The following UPP2 variants were observed in gnomAD, a reference collection of about 807,000 sequenced individuals.
UPP2 encodes the protein UPase 2.
A neutral mutation model predicts 26.7 loss-of-function variants in UPP2; 23 were observed. The ratio of observed to expected loss-of-function variants is 0.86; its 90% CI spans 0.62 to 1.22. UPP2 has a LOEUF of 1.22. Ranked by LOEUF, UPP2 falls within the 50% of genes most tolerant of loss-of-function variation. UPP2 has a pLI of 0.00. For synonymous variants in UPP2, 127 were observed against 141.3 expected (o/e 0.90, Z 0.72); for missense variants, 387 against 396.7 (o/e 0.98, Z 0.21).
chr2:158,110,355 T>C (rs993528650), intron 2 of UPP2, among the ~76,000 whole-genome samples: 2 of 152,188 alleles, frequency 1.3e-5, no homozygotes, highest in Non-Finnish European at 2.9e-5. Flanking sequence ...TATGGCTGCA[T>C]AGTATTCCAT....
At chr2:158,094,602 T>C (rs1216123398) in intron 3 of UPP2, among the ~76,000 whole-genome samples, 1 of 152,190 alleles carries the variant, frequency 6.6e-6, no homozygotes, top group Non-Finnish European at 1.5e-5. Context: ...ATATTGCACT[T>C]AGTAATGTTA....
chr2:158,004,731 G>T (rs1278124254), intron 2 of UPP2, among the ~76,000 whole-genome samples: 1 of 152,118 alleles, frequency 6.6e-6, no homozygotes, highest in Admixed American at 6.5e-5. Flanking sequence ...ATAAAGAAAT[G>T]CAATTTGGTA....
intron 3 of UPP2, among the ~76,000 whole-genome samples, chr2:158,072,891 A>G (rs1416264723): frequency 6.6e-6 from 1 of 152,114 alleles, no homozygotes; most frequent in Non-Finnish European, 1.5e-5. Flanking sequence ...TGTGTAGACT[A>G]CAATGAGTAC....
intron 3 of UPP2, among the ~76,000 whole-genome samples, chr2:158,017,504 G>A (rs995778206): frequency 1.3e-5 from 2 of 152,128 alleles, no homozygotes; most frequent in African/African-American, 4.8e-5. Flanking sequence ...AAGTAACTAA[G>A]TTTTACCTCA....
chr2:158,117,942 A>C lies in UPP2; in HGVS notation c.454+4A>C, dbSNP rs768537782. On this transcript the variant is annotated splice_donor_region_variant and intron_variant, in intron 4 of 6. Transcript: ENST00000005756. ...ATCGGTACATCAGGGGGAATAGGTG[A>C]GACGGATTGATGTCTACTATTAGAA... 5.6e-6 allele frequency: 9 copies of C among 1,597,988 alleles called. 1 individual carries two copies. The highest frequency in any genetic ancestry group is 1.7e-5 in the Admixed American group (1 of 59,956).
rs184797894 is a variant in UPP2, at chr2:158,124,801, G to A, written c.811+906G>A. Among the ~76,000 whole-genome samples, 7 of 152,278 alleles carry A rather than the reference G, an allele frequency of 4.6e-5. No homozygotes were observed. The East Asian group carries it at 1.4e-3, about 29-fold the overall frequency. On this transcript the variant is annotated intron_variant, in intron 6 of 6. Coordinates refer to ENST00000005756, the MANE Select transcript of UPP2 (RefSeq NM_173355.4). ...TCCCATGTTTATGGTCTAAACTACTGGAAGCATGAGGTTGCCATAACTGGG... is the reference window on the plus strand; with the variant it reads ...TCCCATGTTTATGGTCTAAACTACTAGAAGCATGAGGTTGCCATAACTGGG...
At chr2:158,081,403 CATG>C (rs906677506) in intron 3 of UPP2, among the ~76,000 whole-genome samples, 1 of 152,072 alleles carries the variant, frequency 6.6e-6, no homozygotes, top group Non-Finnish European at 1.5e-5. Flanking sequence ...TGGAGAATAG[CATG>C]ATAGTTCCTC....
chr2:158,026,760 A>G (rs1043882368), intron 3 of UPP2, among the ~76,000 whole-genome samples: 1 of 152,182 alleles, frequency 6.6e-6, no homozygotes, highest in African/African-American at 2.4e-5. Flanking sequence ...CATGCCGCTG[A>G]TAAAGACATA....
At chr2:158,115,285 C>T in intron 3 of UPP2, 26 bp downstream of exon 3, 1 of 1,574,862 alleles carries the variant, frequency 6.3e-7, no homozygotes, top group Non-Finnish European at 8.6e-7. Context: ...TGCATTTCAG[C>T]TAGTCATTGC....
chr2:158,098,969 C>T (rs1307826916), upstream of UPP2, among the ~76,000 whole-genome samples: 1 of 152,142 alleles, frequency 6.6e-6, no homozygotes, highest in Non-Finnish European at 1.5e-5. Context: ...GGTTTTGAGG[C>T]ACCTATAACC....
At chr2:158,070,664 AT>A (rs1682524358) in intron 3 of UPP2, among the ~76,000 whole-genome samples, 1 of 152,204 alleles carries the variant, frequency 6.6e-6, no homozygotes. Flanking sequence ...GGAACACAAA[AT>A]TTTAACAACT....
intron 3 of UPP2, among the ~76,000 whole-genome samples, chr2:158,094,991 T>A (rs1574287247): frequency 6.6e-6 from 1 of 152,136 alleles, no homozygotes; most frequent in Admixed American, 6.5e-5. Flanking sequence ...GTCACCAGAA[T>A]GGCCAGTCAC....
intron 3 of UPP2, among the ~76,000 whole-genome samples, chr2:158,071,423 T>C (rs1682537931): frequency 6.6e-6 from 1 of 151,924 alleles, no homozygotes; most frequent in African/African-American, 2.4e-5. Context: ...TGGTGGCACA[T>C]GCCTGTAATC....
upstream of UPP2, among the ~76,000 whole-genome samples, chr2:158,101,309 T>C (rs1355537170): frequency 3.3e-5 from 5 of 152,248 alleles, no homozygotes; most frequent in Admixed American, 3.3e-4. Flanking sequence ...AATACTATGC[T>C]GTATTATTAT....
At chr2:158,026,702 T>C (rs1295295147) in intron 3 of UPP2, among the ~76,000 whole-genome samples, 1 of 152,214 alleles carries the variant, frequency 6.6e-6, no homozygotes, top group Non-Finnish European at 1.5e-5. Context: ...GACCAGGTCA[T>C]GTTTAATATA....
At chr2:158,089,576 C>G (rs758646059) in intron 3 of UPP2, among the ~76,000 whole-genome samples, 6 of 152,236 alleles carry the variant, frequency 3.9e-5, no homozygotes, top group Non-Finnish European at 7.3e-5. Flanking sequence ...TTCCTTCTCT[C>G]TGGTCATTTC....
chr2:158,102,583 T>G (rs150824914), intron 1 of UPP2, among the ~76,000 whole-genome samples: 73 of 152,308 alleles, frequency 4.8e-4, no homozygotes, highest in Middle Eastern at 6.8e-3. Flanking sequence ...ACATAGAATT[T>G]ACTTCTGAAA....
chr2:158,134,790 A>G lies in UPP2; in HGVS notation c.854A>G (p.Asp285Gly). Residue 285 changes from aspartate (D) to glycine (G), a missense_variant, in exon 7 of 7, where the codon GAT becomes GGT. Asp to Gly is a moderately conservative substitution (Grantham distance 94, BLOSUM62 -1). Coordinates refer to ENST00000005756, the MANE Select transcript of UPP2 (RefSeq NM_173355.4). Reference protein sequence around the residue: ...CVTLLDRLDCDQINLPHDVLV... With the variant: ...CVTLLDRLDCGQINLPHDVLV... ...ACACTTCTCGACAGACTCGACTGTG[A>G]TCAGATCAACTTGCCTCATGATGTC... 6.2e-7 allele frequency: 1 copy of G among 1,613,638 alleles called. No homozygotes were observed.
At chr2:158,069,151 AAT>A (rs1443162475) in intron 3 of UPP2, among the ~76,000 whole-genome samples, 4 of 152,016 alleles carry the variant, frequency 2.6e-5, no homozygotes. Flanking sequence ...CTCTGGAACA[AAT>A]GATTGCCAAG....
Sources: allele counts gnomAD v4.1 joint callset (sites outside exome capture counted in the v4.1 genomes callset), GRCh38; gene constraint gnomAD v4.1.1; transcripts MANE v1.5; gene names NCBI Gene and HGNC (gene_info 2026-07-23, HGNC 2026-07-21).